The following SMYD3 variants were observed in gnomAD, a reference collection of about 807,000 sequenced individuals.
SMYD3 encodes SET and MYND domain containing 3.
Under a neutral mutation model 57.7 loss-of-function variants are expected in SMYD3, and 36 were observed. That is an observed-to-expected ratio of 0.62 (90% CI 0.48 to 0.82). The LOEUF (loss-of-function observed/expected upper bound fraction) is 0.82, where lower values mean the gene tolerates loss of function less well. SMYD3 is among the 40% of genes least tolerant of loss of function. SMYD3 has a pLI of 0.00. For synonymous variants in SMYD3, 211 were observed against 195.0 expected, an observed-to-expected ratio of 1.08 and a Z score of -0.68; for missense variants, 515 against 538.8, an observed-to-expected ratio of 0.96 and a Z score of 0.44.
intron 5 of SMYD3, among the ~76,000 whole-genome samples, chr1:246,269,543 C>CTTTTTTTTTTTTT (rs570972296): frequency 6.7e-5 from 9 of 135,206 alleles, no homozygotes; most frequent in East Asian, 6.6e-4. Context: ...CTTTTTTTTT[C>CTTTTTTTTTTTTT]TTTTTTTTTT....
chr1:246,362,672 G>A (rs1338149959), intron 1 of SMYD3, among the ~76,000 whole-genome samples: 2 of 152,222 alleles, frequency 1.3e-5, no homozygotes, highest in African/African-American at 2.4e-5. Flanking sequence ...TGTGTTGGCC[G>A]GGCTGGTCTC....
At chr1:245,780,790 G>T (rs2046799698) in intron 10 of SMYD3, among the ~76,000 whole-genome samples, 1 of 152,088 alleles carries the variant, frequency 6.6e-6, no homozygotes, top group Admixed American at 6.6e-5. Flanking sequence ...TCCATACAAG[G>T]TCTTATATGT....
chr1:245,999,592 CAAAAAAAG>C (rs1004891775), intron 5 of SMYD3, among the ~76,000 whole-genome samples: 2 of 142,652 alleles, frequency 1.4e-5, no homozygotes, highest in African/African-American at 2.6e-5. Context: ...AAGAGTGAGT[CAAAAAAAG>C]AAAAAAAGAA....
Position 245,982,875 on chromosome 1 carries a change from C to T in SMYD3, c.532-52938G>A, listed in dbSNP as rs573379034. The stretch of plus-strand genomic sequence containing the variant: ...GAGATGTGGCCAAGCATTCTTTACA[C>T]GAAACAAGAAACACTTGCAAAGCGG... On this transcript the variant is annotated intron_variant, in intron 5 of 11. Transcript: ENST00000490107. Among the ~76,000 whole-genome samples the T allele has an allele frequency of 5.3e-5, 8 of 152,278 alleles. No homozygotes were observed. The South Asian group carries it at 1.2e-3, about 24-fold the overall frequency.
At chr1:245,889,785 A>G (rs897584053) in intron 8 of SMYD3, among the ~76,000 whole-genome samples, 10 of 152,236 alleles carry the variant, frequency 6.6e-5, no homozygotes, top group South Asian at 2.1e-4. Flanking sequence ...AGCCAAAGCC[A>G]TTCTGAGCAA....
intron 10 of SMYD3, among the ~76,000 whole-genome samples, chr1:245,857,185 G>C (rs1009343475): frequency 1.3e-5 from 2 of 152,178 alleles, no homozygotes; most frequent in African/African-American, 4.8e-5. Flanking sequence ...ACCATCTACA[G>C]AAGTCCCGAA....
chr1:246,214,159 C>G (rs1179140194), intron 5 of SMYD3, among the ~76,000 whole-genome samples: 1 of 152,110 alleles, frequency 6.6e-6, no homozygotes, highest in Non-Finnish European at 1.5e-5. Context: ...TTTACAATGG[C>G]AAGTTGTGGA....
At chr1:245,935,448 G>C (rs190853953) in intron 5 of SMYD3, among the ~76,000 whole-genome samples, 1 of 152,294 alleles carries the variant, frequency 6.6e-6, no homozygotes, top group East Asian at 1.9e-4. Context: ...GCACACTGGT[G>C]GAGTCTACAT....
chr1:246,254,048 T>TA (rs909747870), intron 5 of SMYD3, among the ~76,000 whole-genome samples: 4 of 152,180 alleles, frequency 2.6e-5, no homozygotes, highest in South Asian at 2.1e-4. Flanking sequence ...GGCATTCTAT[T>TA]AAAAAAACTT....
chr1:245,771,826 G>A (rs1319144674), intron 10 of SMYD3, among the ~76,000 whole-genome samples: 1 of 151,772 alleles, frequency 6.6e-6, no homozygotes, highest in Non-Finnish European at 1.5e-5. Context: ...TATTTTTGTT[G>A]CTGGGAGGGA....
chr1:246,275,660 G>A (rs1266791095), intron 5 of SMYD3, among the ~76,000 whole-genome samples: 1 of 149,992 alleles, frequency 6.7e-6, no homozygotes, highest in Non-Finnish European at 1.5e-5. Context: ...GCCTCTAGTG[G>A]AGTCTGATGC....
intron 2 of SMYD3, among the ~76,000 whole-genome samples, chr1:246,342,982 T>C (rs1045511699): frequency 4.6e-5 from 7 of 152,262 alleles, no homozygotes; most frequent in African/African-American, 7.2e-5. Flanking sequence ...ATGTACGTTC[T>C]AATTCGTGCT....
At chr1:245,851,220 G>A (rs1310736696) in intron 10 of SMYD3, among the ~76,000 whole-genome samples, 1 of 152,206 alleles carries the variant, frequency 6.6e-6, no homozygotes, top group African/African-American at 2.4e-5. Flanking sequence ...GCTCACAGGT[G>A]CCCCTCAGCT....
intron 1 of SMYD3, among the ~76,000 whole-genome samples, chr1:246,459,201 CTTG>C (rs757857201): frequency 6.7e-4 from 100 of 149,796 alleles, no homozygotes; most frequent in African/African-American, 2.0e-3. Flanking sequence ...CTCGCGAGAT[CTTG>C]TTATTTGAAA....
chr1:246,395,346 A>G (rs2066642109), intron 1 of SMYD3, among the ~76,000 whole-genome samples: 1 of 152,258 alleles, frequency 6.6e-6, no homozygotes, highest in Admixed American at 6.5e-5. Context: ...AAATGTTTCA[A>G]TGCTGTCTGA....
At chr1:245,863,704 G>A (rs572895147) in intron 9 of SMYD3, 95 bp downstream of exon 9, 1 of 1,114,980 alleles carries the variant, frequency 9.0e-7, no homozygotes, top group East Asian at 2.4e-5. Context: ...CTCATGGAGA[G>A]GTCAAACCCC....
At position 246,438,735 on chromosome 1, in the gene SMYD3, G is replaced by C. The variant is rs1051353676; in HGVS notation, c.164+68319C>G. On this transcript the variant is annotated intron_variant, in intron 1 of 11. Transcript: ENST00000490107. ...ACTTTTCCACAGATGCTGGGGCGGG[G>C]GGCGGAGTGGGGATGGTTTTGGGAT... Among the ~76,000 whole-genome samples, 45 of 151,858 alleles carry C rather than the reference G, an allele frequency of 3.0e-4. 1 individual carries two copies. Among genetic ancestry groups the C allele is most frequent in the African/African-American group, 9.9e-4 (41 of 41,334 alleles).
chr1:246,503,080 G>A (rs775747654), intron 1 of SMYD3, among the ~76,000 whole-genome samples: 9 of 152,050 alleles, frequency 5.9e-5, no homozygotes, highest in Non-Finnish European at 1.0e-4. Flanking sequence ...ACTGCTGACC[G>A]TCCCCTCAAC....
At chr1:246,301,108 C>T (rs568131962) in intron 5 of SMYD3, among the ~76,000 whole-genome samples, 1 of 152,108 alleles carries the variant, frequency 6.6e-6, no homozygotes, top group South Asian at 2.1e-4. Flanking sequence ...CAAATGTGCA[C>T]ATGGAAGACT....
Sources: gnomAD v4.1 joint callset for allele counts (sites outside exome capture counted in the v4.1 genomes callset) on GRCh38, gnomAD v4.1.1 for gene constraint, MANE v1.5 for transcripts, NCBI Gene and HGNC (gene_info 2026-07-23, HGNC 2026-07-21) for gene names.